The following KIRREL3 variants were observed in gnomAD, a reference collection of about 807,000 sequenced individuals.
KIRREL3 encodes the protein kin of IRRE-like protein 3.
A neutral mutation model predicts 89.7 loss-of-function variants in KIRREL3; 36 were observed. The observed-to-expected ratio is 0.40, with a 90% confidence interval of 0.31 to 0.53. The LOEUF (loss-of-function observed/expected upper bound fraction) is 0.53. KIRREL3 is among the 20% of genes least tolerant of loss of function. The pLI is 0.49. For missense variants in KIRREL3, 864 were observed against 1,056.6 expected, an observed-to-expected ratio of 0.82 and a Z score of 2.53; for synonymous variants, 445 against 441.4, an observed-to-expected ratio of 1.01 and a Z score of -0.10.
intron 1 of KIRREL3, among the ~76,000 whole-genome samples, chr11:126,845,256 C>A (rs7116187): frequency 0.85 from 129,228 of 152,108 alleles, 55,098 homozygotes; most frequent in East Asian, 1. Context: ...AGCTGGGTCA[C>A]TAGGGCTGCT....
intron 1 of KIRREL3, among the ~76,000 whole-genome samples, chr11:126,984,092 G>T (rs538959219): frequency 8.5e-5 from 13 of 152,104 alleles, no homozygotes; most frequent in Non-Finnish European, 1.5e-4. Flanking sequence ...CTTGAAAAGA[G>T]ACTGAGGATG....
intron 11 of KIRREL3, 176 bp downstream of exon 11, chr11:126,440,273 G>T: frequency 1.4e-6 from 1 of 711,132 alleles, no homozygotes; most frequent in Non-Finnish European, 2.5e-6. Context: ...TCTGAGAAAG[G>T]CCTGCAATTG....
chr11:126,899,966 A>C (rs1312484990), intron 1 of KIRREL3, among the ~76,000 whole-genome samples: 1 of 152,240 alleles, frequency 6.6e-6, no homozygotes. Flanking sequence ...CTACAAAGCC[A>C]AAACCGCTCT....
chr11:126,567,196 G>A (rs1251460301), intron 1 of KIRREL3, among the ~76,000 whole-genome samples: 4 of 152,316 alleles, frequency 2.6e-5, no homozygotes, highest in African/African-American at 9.6e-5. Flanking sequence ...TTGGAGATAG[G>A]AAATTTGTAG....
At chr11:126,941,839 T>G (rs993669411) in intron 1 of KIRREL3, among the ~76,000 whole-genome samples, 4 of 152,208 alleles carry the variant, frequency 2.6e-5, no homozygotes, top group Non-Finnish European at 5.9e-5. Flanking sequence ...AAACTTTCCC[T>G]CTTGCTTTCT....
intron 1 of KIRREL3, among the ~76,000 whole-genome samples, chr11:126,952,877 T>G (rs923462708): frequency 2.0e-5 from 3 of 152,208 alleles, no homozygotes; most frequent in Admixed American, 2.0e-4. Context: ...GCTTTTACAC[T>G]GTTGGTGGGA....
intron 1 of KIRREL3, among the ~76,000 whole-genome samples, chr11:126,932,898 C>A (rs1408001251): frequency 6.6e-6 from 1 of 152,160 alleles, no homozygotes; most frequent in Admixed American, 6.5e-5. Context: ...GCTCACATAG[C>A]CATAATAGCC....
intron 1 of KIRREL3, among the ~76,000 whole-genome samples, chr11:126,580,870 T>C (rs1941511280): frequency 6.7e-6 from 1 of 149,794 alleles, no homozygotes; most frequent in Non-Finnish European, 1.5e-5. Flanking sequence ...GACTTTACAG[T>C]CTCCGGGTTG....
chr11:126,849,247 G>A (rs376787431), intron 1 of KIRREL3, among the ~76,000 whole-genome samples: 3 of 148,162 alleles, frequency 2.0e-5, no homozygotes, highest in South Asian at 2.3e-4. Flanking sequence ...GACAGTTTAC[G>A]AATGCCACGG....
At chr11:126,913,920 G>A (rs1946932085) in intron 1 of KIRREL3, among the ~76,000 whole-genome samples, 2 of 152,154 alleles carry the variant, frequency 1.3e-5, no homozygotes, top group East Asian at 3.9e-4. Flanking sequence ...CAGCACATCT[G>A]TCCATACTCA....
In KIRREL3 at chr11:126,610,600, A is replaced by C. The variant is rs991618221; in HGVS notation, c.56-47688T>G. On this transcript the variant is annotated intron_variant, in intron 1 of 16. Transcript: ENST00000525144. The surrounding 1 kb of genome is among the most constrained non-coding windows in gnomAD (Gnocchi z 4.6). ...AACAAATGCCAGGCACTGGGGCTAT[A>C]ATCACATGGGGAGAAGGAGCCAACC... 9.9e-5 allele frequency: 15 copies of C among 152,198 alleles called. No homozygotes were observed. The highest frequency in any genetic ancestry group is 3.4e-4 in the African/African-American group (14 of 41,450). 9.4% of individuals were successfully genotyped at this position (152,198 alleles called of 1,614,324 possible). A position where few individuals can be genotyped will look rare whatever the true frequency, so the allele number is the denominator to read the frequency against.
intron 5 of KIRREL3, among the ~76,000 whole-genome samples, chr11:126,470,527 GAC>G (rs758573171): frequency 9.9e-5 from 15 of 152,198 alleles, no homozygotes; most frequent in Non-Finnish European, 1.6e-4. Flanking sequence ...GGACAGGAAA[GAC>G]ACACCCTCAG....
At chr11:126,456,306 G>T in intron 7 of KIRREL3, 43 bp downstream of exon 7, 4 of 1,358,086 alleles carry the variant, frequency 2.9e-6, no homozygotes, top group Non-Finnish European at 4.1e-6. Context: ...CACGGGGGTG[G>T]GGGCCAGTGG....
Position 126,513,544 on chromosome 11 carries a change from G to A in KIRREL3, c.433+7771C>T, listed in dbSNP as rs911643317. On this transcript the variant is annotated intron_variant, in intron 4 of 16. Coordinates refer to ENST00000525144, the MANE Select transcript of KIRREL3 (RefSeq NM_032531.4). This position sits in a 1 kb window ranked among gnomAD's most constrained non-coding sequence, Gnocchi z 5.9. Reference sequence around the variant, plus strand: ...TCTCTTCCTCCGGGCCTTGGAAGTCGTTTAATGCTTGAGTGTCCTGCCCCC... The same window carrying A: ...TCTCTTCCTCCGGGCCTTGGAAGTCATTTAATGCTTGAGTGTCCTGCCCCC... Among the ~76,000 whole-genome samples the A allele has an allele frequency of 2.6e-5, 4 of 152,300 alleles. No homozygotes were observed. The highest frequency in any genetic ancestry group is 4.1e-4 in the South Asian group (2 of 4,830).
chr11:126,735,104 C>T (rs1948757790), intron 1 of KIRREL3, among the ~76,000 whole-genome samples: 1 of 152,132 alleles, frequency 6.6e-6, no homozygotes, highest in South Asian at 2.1e-4. Flanking sequence ...CACTGGAACT[C>T]GGGGCTAGGA....
At chr11:126,922,120 T>C (rs888996020) in intron 1 of KIRREL3, among the ~76,000 whole-genome samples, 7 of 132,640 alleles carry the variant, frequency 5.3e-5, no homozygotes, top group Non-Finnish European at 9.6e-5. Flanking sequence ...TCTATCTGTC[T>C]GTCTATCTAT....
At chr11:126,469,681 T>C (rs1956831808) in intron 5 of KIRREL3, among the ~76,000 whole-genome samples, 1 of 152,122 alleles carries the variant, frequency 6.6e-6, no homozygotes, top group Non-Finnish European at 1.5e-5. Flanking sequence ...GGCCGTGGGG[T>C]GGACAGTTAG....
intron 1 of KIRREL3, among the ~76,000 whole-genome samples, chr11:126,972,205 G>GAGAGAGAGAGAGAGA (rs1949445226): frequency 4.9e-5 from 2 of 40,990 alleles, no homozygotes; most frequent in Non-Finnish European, 1.5e-4. Flanking sequence ...AGAGAGAGAG[G>GAGAGAGAGAGAGAGA]ACTGTGCATA....
At chr11:126,963,157 C>T (rs1035987373) in intron 1 of KIRREL3, among the ~76,000 whole-genome samples, 1 of 152,082 alleles carries the variant, frequency 6.6e-6, no homozygotes, top group African/African-American at 2.4e-5. Context: ...TAAAAAATAA[C>T]CTTTTATAGC....
Sources: gnomAD v4.1 joint callset for allele counts (sites outside exome capture counted in the v4.1 genomes callset) on GRCh38, gnomAD v4.1.1 for gene constraint, Gnocchi (gnomAD v3.1) non-coding constraint, MANE v1.5 for transcripts, NCBI Gene and HGNC (gene_info 2026-07-23, HGNC 2026-07-21) for gene names.